The following AADACL2 variants were observed in gnomAD, a reference collection of about 807,000 sequenced individuals.
AADACL2 encodes the protein arylacetamide deacetylase-like 2.
In AADACL2, 23 loss-of-function variants were observed where a neutral mutation model predicts 22.3. That is an observed-to-expected ratio of 1.03 (90% confidence interval 0.74 to 1.46). The LOEUF is 1.46. Among genes scored for constraint, AADACL2 ranks in the 40% most tolerant of loss-of-function variants. AADACL2 has a pLI of 0.00. For synonymous variants in AADACL2, 177 were observed against 166.2 expected (o/e 1.07, Z -0.50); for missense variants, 472 against 482.9 (o/e 0.98, Z 0.21).
chr3:151,735,890 T>C (rs1480080789), intron 1 of AADACL2, among the ~76,000 whole-genome samples: 1 of 152,230 alleles, frequency 6.6e-6, no homozygotes, highest in Non-Finnish European at 1.5e-5. Flanking sequence ...TTATTAACCA[T>C]GTAATATTTA....
intron 1 of AADACL2, among the ~76,000 whole-genome samples, chr3:151,734,417 T>C (rs1355433536): frequency 1.3e-5 from 2 of 152,170 alleles, no homozygotes; most frequent in East Asian, 1.9e-4. Context: ...AATAAATTTA[T>C]TGTGACATGT....
intron 2 of AADACL2, among the ~76,000 whole-genome samples, chr3:151,741,415 A>G (rs893175448): frequency 6.6e-6 from 1 of 152,090 alleles, no homozygotes; most frequent in African/African-American, 2.4e-5. Context: ...CTTTTTAGGC[A>G]TTTTTCTTAC....
At chr3:151,743,518 G>A (rs1473111132) in intron 2 of AADACL2, among the ~76,000 whole-genome samples, 2 of 152,160 alleles carry the variant, frequency 1.3e-5, no homozygotes, top group Non-Finnish European at 2.9e-5. Flanking sequence ...ACACTGACCT[G>A]CCAGAGGCTC....
chr3:151,754,192 C>A (rs889774377), intron 4 of AADACL2, among the ~76,000 whole-genome samples: 3 of 151,908 alleles, frequency 2.0e-5, no homozygotes, highest in Admixed American at 1.3e-4. Flanking sequence ...GGGATGTTTG[C>A]GAATGAAAAA....
chr3:151,753,283 G>A (rs1341847165), intron 4 of AADACL2, among the ~76,000 whole-genome samples: 1 of 152,144 alleles, frequency 6.6e-6, no homozygotes, highest in Non-Finnish European at 1.5e-5. Context: ...ACTTCTGAGT[G>A]ATATAATCTG....
At chr3:151,747,239 T>C (rs1713483644) in intron 4 of AADACL2, among the ~76,000 whole-genome samples, 1 of 152,206 alleles carries the variant, frequency 6.6e-6, no homozygotes, top group Non-Finnish European at 1.5e-5. Flanking sequence ...CATTTATTTT[T>C]TCTCTATGGT....
chr3:151,746,982 C>A (rs1713471967), intron 4 of AADACL2, among the ~76,000 whole-genome samples: 1 of 151,644 alleles, frequency 6.6e-6, no homozygotes, highest in African/African-American at 2.4e-5. Flanking sequence ...CAGCTCACTG[C>A]AACCTCTGCC....
At position 151,745,680 on chromosome 3, in the gene AADACL2, GGTACATTATATTT is replaced by G; in HGVS notation, c.603+3_603+15del. On this transcript the variant is annotated splice_donor_variant and splice_donor_5th_base_variant and intron_variant, in intron 4 of 4. Coordinates refer to ENST00000356517, the MANE Select transcript of AADACL2 (RefSeq NM_207365.4). LOFTEE classifies it high-confidence loss of function. ...ATTTAGCAACAGCGGTCACTCAACA[GGTACATTATATTT>G]GTTTTTATGATAGGAGGCAGAAATT... 2 of 1,584,762 alleles carry G rather than the reference GGTACATTATATTT, an allele frequency of 1.3e-6. No homozygotes were observed. The highest frequency in any genetic ancestry group is 1.7e-6 in the Non-Finnish European group (2 of 1,169,754).
chr3:151,757,163 G>T lies in AADACL2; in HGVS notation c.775G>T (p.Ala259Ser), dbSNP rs747562704. 143 of 1,613,356 alleles carry T rather than the reference G, an allele frequency of 8.9e-5. No individual in the cohort carries two copies. In the Middle Eastern group the frequency reaches 9.9e-4, roughly 11 times the overall value. Reference protein sequence around the residue: ...LVSLYFTKDEALPWAMRRNQH... With the variant: ...LVSLYFTKDESLPWAMRRNQH... The stretch of plus-strand genomic sequence containing the variant: ...GAGCTTATATTTCACCAAGGATGAA[G>T]CACTTCCCTGGGCAATGAGAAGAAA... The change falls in exon 5 of 5, where the codon GCA (alanine) becomes TCA (serine). Residue 259 changes from alanine to serine, a missense_variant. By Grantham distance (99) the Ala-to-Ser change is moderately conservative. Transcript: ENST00000356517.
rs1248520061 is a variant in AADACL2, at chr3:151,758,020, T to G, written c.*426T>G. ...TAAATAAACCCTAAGGACCCTATAT[T>G]AGTTTCCTGTGACTATTGTAGCAAA... On this transcript the variant is annotated 3_prime_UTR_variant, in exon 5 of 5. Coordinates refer to ENST00000356517, the MANE Select transcript of AADACL2 (RefSeq NM_207365.4). 1 of 154,936 alleles carries G rather than the reference T, an allele frequency of 6.5e-6. No homozygotes were observed. Among genetic ancestry groups the G allele is most frequent in the African/African-American group, 2.4e-5 (1 of 41,450 alleles). The allele number at this position is 154,936 out of a possible 1,614,324, so 9.6% of individuals were successfully genotyped here.
In AADACL2 at chr3:151,757,287, C is replaced by A; in HGVS notation, c.899C>A (p.Pro300Gln). The change falls in exon 5 of 5, where the codon CCA (proline) becomes CAA (glutamine). Residue 300 changes from proline to glutamine, a missense_variant. Around this residue, in one of 3 missense-constraint regions of AADACL2, gnomAD observed 356 missense variants for 365.5 expected, o/e 0.97. Transcript: ENST00000356517. ...AGAAAAGACTATGTATATACTGAAC[C>A]AATTCTTGGAGGACTTAGTTATTCA... Reference protein sequence around the residue: ...KYRKDYVYTEPILGGLSYSLP... With the variant: ...KYRKDYVYTEQILGGLSYSLP... The A allele has an allele frequency of 6.2e-7, 1 of 1,613,694 alleles. No individual in the cohort carries two copies. The highest frequency in any genetic ancestry group is 8.5e-7 in the Non-Finnish European group (1 of 1,179,696).
Position 151,744,122 on chromosome 3 carries a change from T to C in AADACL2, c.391T>C (p.Trp131Arg), listed in dbSNP as rs758676587. ...GAGGGCTTTTGACTTCCTGAATAGA[T>C]GGACGGCAAACACGCTTGATGCTGT... is the stretch of plus-strand genomic sequence containing the variant. ...KQRAFDFLNRWTANTLDAVVV... is the reference protein window; with the variant it reads ...KQRAFDFLNRRTANTLDAVVV... Residue 131 changes from tryptophan to arginine, a missense_variant, in exon 3 of 5, where the codon TGG becomes CGG. Coordinates refer to ENST00000356517, the MANE Select transcript of AADACL2 (RefSeq NM_207365.4). The C allele has an allele frequency of 3.7e-6, 6 of 1,613,690 alleles. No individual in the cohort carries two copies. Among genetic ancestry groups the C allele is most frequent in the Non-Finnish European group, 4.2e-6 (5 of 1,179,786 alleles).
chr3:151,742,667 CTT>C (rs1315767019), intron 2 of AADACL2, among the ~76,000 whole-genome samples: 1 of 152,136 alleles, frequency 6.6e-6, no homozygotes, highest in African/African-American at 2.4e-5. Flanking sequence ...TCACACATCA[CTT>C]TGTTCCCAGA....
rs1329428569 is a variant in AADACL2 at position 151,759,821 on chromosome 3, C to T, written c.*2227C>T. ...TGCTAAAGGGTTCATTTCACTGGGT[C>T]TTACTTTCAAAGTTTGTTCCATTTT... On this transcript the variant is annotated 3_prime_UTR_variant, in exon 5 of 5. Transcript: ENST00000356517. The T allele has an allele frequency of 1.3e-5, 2 of 152,110 alleles. No individual in the cohort carries two copies. The highest frequency in any genetic ancestry group is 4.8e-5 in the African/African-American group (2 of 41,434). 9.4% of individuals were successfully genotyped at this position (152,110 alleles called of 1,614,324 possible). A position where few individuals can be genotyped will look rare whatever the true frequency, so the allele number is the denominator to read the frequency against.
At chr3:151,743,201 C>T (rs1250361131) in intron 2 of AADACL2, among the ~76,000 whole-genome samples, 6 of 151,970 alleles carry the variant, frequency 3.9e-5, no homozygotes, top group Admixed American at 3.9e-4. Context: ...ACTTACTTTC[C>T]TGTTTTCCAG....
At chr3:151,741,782 GA>G (rs1290137326) in intron 2 of AADACL2, among the ~76,000 whole-genome samples, 1 of 152,012 alleles carries the variant, frequency 6.6e-6, no homozygotes, top group African/African-American at 2.4e-5. Context: ...AAGCACAAAA[GA>G]AATGGCCACT....
intron 4 of AADACL2, among the ~76,000 whole-genome samples, chr3:151,751,285 A>C (rs1204573407): frequency 2.0e-5 from 3 of 152,140 alleles, no homozygotes; most frequent in Admixed American, 1.3e-4. Flanking sequence ...CGGTTTGGGG[A>C]ATGTAGAGAT....
chr3:151,737,934 G>C (rs1258759341), intron 1 of AADACL2, among the ~76,000 whole-genome samples: 1 of 152,060 alleles, frequency 6.6e-6, no homozygotes, highest in Admixed American at 6.5e-5. Flanking sequence ...TCTTTTAATA[G>C]GGGCATTAAC....
rs1713952993 is a variant in AADACL2 at position 151,757,187 on chromosome 3, A to C, written c.799A>C (p.Asn267His). Reference protein sequence around the residue: ...DEALPWAMRRNQHMPLESRHL... With the variant: ...DEALPWAMRRHQHMPLESRHL... ...AGCACTTCCCTGGGCAATGAGAAGA[A>C]ACCAACACATGCCTCTGGAGTCAAG... Residue 267 changes from asparagine (N) to histidine (H), a missense_variant, in exon 5 of 5, where the codon AAC becomes CAC. Asn to His is a moderately conservative substitution (Grantham distance 68, BLOSUM62 1). Coordinates refer to ENST00000356517, the MANE Select transcript of AADACL2 (RefSeq NM_207365.4). The C allele has an allele frequency of 1.2e-6, 2 of 1,613,558 alleles. No homozygotes were observed. Among genetic ancestry groups the C allele is most frequent in the Non-Finnish European group, 1.7e-6 (2 of 1,179,696 alleles).
Sources: allele counts gnomAD v4.1 joint callset (sites outside exome capture counted in the v4.1 genomes callset), GRCh38; gene constraint gnomAD v4.1.1; regional missense constraint gnomAD v4.1.1; transcripts MANE v1.5; gene names NCBI Gene and HGNC (gene_info 2026-07-23, HGNC 2026-07-21).